Variants in FILIP1L observed in about 807,000 individuals in gnomAD.
FILIP1L encodes filamin A interacting protein 1 like, also known as filamin A-interacting protein 1-like.
Under a neutral mutation model 96.6 loss-of-function variants are expected in FILIP1L, and 55 were observed. That is an observed-to-expected ratio of 0.57 (90% CI 0.46 to 0.71). The LOEUF is 0.71. FILIP1L is among the 30% of genes least tolerant of loss of function. FILIP1L has a pLI of 0.00. For synonymous variants in FILIP1L, 467 were observed against 473.9 expected (o/e 0.99, Z 0.19); for missense variants, 1,304 against 1,321.2 (o/e 0.99, Z 0.20).
intron 1 of FILIP1L, among the ~76,000 whole-genome samples, chr3:100,050,679 C>T (rs1281473647): frequency 2.0e-5 from 3 of 152,020 alleles, no homozygotes; most frequent in Non-Finnish European, 1.5e-5. Context: ...TACAGGTGTG[C>T]GCCACCTTGC....
intron 1 of FILIP1L, among the ~76,000 whole-genome samples, chr3:100,069,825 T>C (rs1187449394): frequency 6.6e-6 from 1 of 152,030 alleles, no homozygotes; most frequent in Non-Finnish European, 1.5e-5. Context: ...AGCAGAAATA[T>C]TTGCCCTACG....
chr3:100,103,119 A>G (rs191703159), intron 1 of FILIP1L, among the ~76,000 whole-genome samples: 2 of 152,214 alleles, frequency 1.3e-5, no homozygotes, highest in Non-Finnish European at 2.9e-5. Context: ...TGACTTTTGT[A>G]TATTCCTGTT....
At chr3:99,991,898 A>G (rs546410614) in intron 1 of FILIP1L, among the ~76,000 whole-genome samples, 6 of 148,848 alleles carry the variant, frequency 4.0e-5, no homozygotes, top group South Asian at 2.1e-4. Flanking sequence ...ATATGTGTGT[A>G]TATATATACA....
chr3:99,835,761 A>C (rs1480663169), intron 5 of FILIP1L, among the ~76,000 whole-genome samples: 1 of 152,214 alleles, frequency 6.6e-6, no homozygotes, highest in Non-Finnish European at 1.5e-5. Context: ...AATAATTATG[A>C]GGTAGAATGA....
At chr3:100,025,767 T>C (rs980101701) in intron 1 of FILIP1L, among the ~76,000 whole-genome samples, 1 of 152,162 alleles carries the variant, frequency 6.6e-6, no homozygotes, top group African/African-American at 2.4e-5. Context: ...GAATAGGGGA[T>C]TCACATATAC....
chr3:99,923,576 C>G (rs534745544), intron 4 of FILIP1L, among the ~76,000 whole-genome samples: 4 of 152,330 alleles, frequency 2.6e-5, no homozygotes, highest in African/African-American at 7.2e-5. Flanking sequence ...GCACACCCCC[C>G]TCCCAACCTC....
At chr3:99,987,388 G>T (rs1576622634) in intron 1 of FILIP1L, among the ~76,000 whole-genome samples, 1 of 151,386 alleles carries the variant, frequency 6.6e-6, no homozygotes, top group Non-Finnish European at 1.5e-5. Flanking sequence ...AATTAACGGG[G>T]TGTGGTGGCA....
chr3:100,087,043 T>C (rs2066021099), intron 1 of FILIP1L, among the ~76,000 whole-genome samples: 1 of 152,248 alleles, frequency 6.6e-6, no homozygotes, highest in Non-Finnish European at 1.5e-5. Flanking sequence ...TTGTTCCTTT[T>C]TGCTGCTGTT....
At chr3:100,089,276 A>G (rs1330509022) in intron 1 of FILIP1L, among the ~76,000 whole-genome samples, 2 of 152,188 alleles carry the variant, frequency 1.3e-5, no homozygotes, top group Admixed American at 6.5e-5. Flanking sequence ...CCCTACAGGA[A>G]GTATTTTATT....
At chr3:99,955,948 T>TA (rs1418314260) in intron 1 of FILIP1L, among the ~76,000 whole-genome samples, 1 of 152,184 alleles carries the variant, frequency 6.6e-6, no homozygotes, top group Admixed American at 6.5e-5. Context: ...ACCACATTGT[T>TA]ATGACGTATT....
At chr3:99,981,162 G>T (rs571988666) in intron 1 of FILIP1L, among the ~76,000 whole-genome samples, 3 of 152,288 alleles carry the variant, frequency 2.0e-5, no homozygotes, top group Admixed American at 2.0e-4. Context: ...CCTGTGCTGG[G>T]ATGTGGTGCC....
chr3:99,852,570 C>T (rs573497443), intron 4 of FILIP1L, among the ~76,000 whole-genome samples: 2 of 152,094 alleles, frequency 1.3e-5, no homozygotes, highest in South Asian at 2.1e-4. Flanking sequence ...CTCAGCCTCC[C>T]GAGTAGCTGG....
intron 1 of FILIP1L, among the ~76,000 whole-genome samples, chr3:99,945,514 AATGG>A (rs1262160524): frequency 6.6e-6 from 1 of 152,124 alleles, no homozygotes; most frequent in Admixed American, 6.5e-5. Flanking sequence ...TAAGTAAATA[AATGG>A]ATGTCAGAAG....
chr3:100,091,295 A>G (rs1340761558), intron 1 of FILIP1L, among the ~76,000 whole-genome samples: 2 of 149,742 alleles, frequency 1.3e-5, no homozygotes, highest in Non-Finnish European at 3.0e-5. Flanking sequence ...AAAAAAAAAA[A>G]AAAAAAAGAA....
At chr3:99,982,087 G>T (rs1032845747) in intron 1 of FILIP1L, among the ~76,000 whole-genome samples, 2 of 151,932 alleles carry the variant, frequency 1.3e-5, no homozygotes, top group South Asian at 2.1e-4. Context: ...CTTTTGTGAC[G>T]GTTGTTAGTC....
At chr3:100,032,111 T>C (rs1050796480) in intron 1 of FILIP1L, among the ~76,000 whole-genome samples, 3 of 152,150 alleles carry the variant, frequency 2.0e-5, no homozygotes, top group African/African-American at 7.2e-5. Context: ...CCCTGCCCTA[T>C]GGGAATAAAT....
chr3:100,017,944 A>G (rs946917625), intron 1 of FILIP1L, among the ~76,000 whole-genome samples: 2 of 152,188 alleles, frequency 1.3e-5, no homozygotes, highest in African/African-American at 4.8e-5. Context: ...CTCAGCCTCC[A>G]TAATTGCCTG....
chr3:99,996,417 C>A (rs1709682161), intron 1 of FILIP1L, among the ~76,000 whole-genome samples: 1 of 152,164 alleles, frequency 6.6e-6, no homozygotes, highest in South Asian at 2.1e-4. Context: ...TTCCAACTTT[C>A]CCACATTTTC....
chr3:99,893,644 C>T (rs2107617504), intron 4 of FILIP1L, among the ~76,000 whole-genome samples: 1 of 152,236 alleles, frequency 6.6e-6, no homozygotes, highest in East Asian at 1.9e-4. Flanking sequence ...TTGACAAAAG[C>T]AGATAGCTAA....
Sources: allele counts gnomAD v4.1 joint callset (sites outside exome capture counted in the v4.1 genomes callset), GRCh38; gene constraint gnomAD v4.1.1; transcripts MANE v1.5; gene names NCBI Gene and HGNC (gene_info 2026-07-23, HGNC 2026-07-21).